The following CSRNP3 variants were observed in gnomAD, a reference collection of about 807,000 sequenced individuals.
The protein encoded by CSRNP3 is cysteine/serine-rich nuclear protein 3.
Under a neutral mutation model 48.0 loss-of-function variants are expected in CSRNP3, and 12 were observed. That is an observed-to-expected ratio of 0.25 (90% CI 0.16 to 0.41). The LOEUF (loss-of-function observed/expected upper bound fraction) is 0.41. CSRNP3 is among the 10% of genes least tolerant of loss of function. The pLI is 1.00. For missense variants in CSRNP3, 580 were observed against 724.4 expected (o/e 0.80, Z 2.29); for synonymous variants, 263 against 269.7 (o/e 0.98, Z 0.24).
In CSRNP3 at chr2:165,679,926, A is replaced by C; in HGVS notation, c.*173A>C. On this transcript the variant is annotated 3_prime_UTR_variant, in exon 7 of 7. Coordinates refer to ENST00000651982, the MANE Select transcript of CSRNP3 (RefSeq NM_001172173.2). ...TAGCCACATGACTGTGGCATTGCAC[A>C]AATACAGTCTCTGTAGGGATTTTAA... 15 of 848,086 alleles carry C rather than the reference A, an allele frequency of 1.8e-5. No homozygotes were observed. Among genetic ancestry groups the C allele is most frequent in the Non-Finnish European group, 2.7e-5 (15 of 550,444 alleles). The allele number at this position is 848,086 out of a possible 1,614,324, so 52.5% of individuals were successfully genotyped here.
chr2:165,509,697 T>C (rs897311045), intron 2 of CSRNP3, among the ~76,000 whole-genome samples: 2 of 152,208 alleles, frequency 1.3e-5, no homozygotes, highest in South Asian at 2.1e-4. Context: ...CCCCCAGTGT[T>C]AACCTCTTAC....
At chr2:165,634,970 C>T (rs1686603139) in intron 4 of CSRNP3, among the ~76,000 whole-genome samples, 1 of 152,208 alleles carries the variant, frequency 6.6e-6, no homozygotes, top group African/African-American at 2.4e-5. Context: ...ATTCTAGGCC[C>T]AGCAGGCTAT....
intron 3 of CSRNP3, among the ~76,000 whole-genome samples, chr2:165,526,505 T>C (rs1288813216): frequency 6.6e-6 from 1 of 152,148 alleles, no homozygotes; most frequent in African/African-American, 2.4e-5. Context: ...AACTTAAAAA[T>C]TAAAAGACTC....
intron 4 of CSRNP3, among the ~76,000 whole-genome samples, chr2:165,608,704 G>A (rs1215292302): frequency 3.3e-5 from 5 of 151,764 alleles, no homozygotes; most frequent in Admixed American, 3.3e-4. Flanking sequence ...CACCATTAAT[G>A]TGATCCCTTT....
At chr2:165,585,263 C>A (rs1685609726) in intron 3 of CSRNP3, among the ~76,000 whole-genome samples, 1 of 149,830 alleles carries the variant, frequency 6.7e-6, no homozygotes, top group Non-Finnish European at 1.5e-5. Context: ...TGTAATAAAA[C>A]CTATATACCA....
At chr2:165,576,188 G>A (rs887878508) in intron 3 of CSRNP3, among the ~76,000 whole-genome samples, 2 of 150,090 alleles carry the variant, frequency 1.3e-5, no homozygotes, top group Non-Finnish European at 3.0e-5. Context: ...ACATATTATT[G>A]CATATATTAT....
chr2:165,680,800 A>C lies in CSRNP3; in HGVS notation c.*1047A>C, dbSNP rs1381558241. The C allele has an allele frequency of 6.6e-6, 1 of 152,118 alleles. No individual in the cohort carries two copies. The highest frequency in any genetic ancestry group is 1.5e-5 in the Non-Finnish European group (1 of 68,026). The allele number at this position is 152,118 out of a possible 1,614,324, so 9.4% of individuals were successfully genotyped here. ...GGAAAATGACCTATTTTCCTTCACCACTCTGAGGACCTAACTCAGTAAATG... is the reference window on the plus strand; with the variant it reads ...GGAAAATGACCTATTTTCCTTCACCCCTCTGAGGACCTAACTCAGTAAATG... On this transcript the variant is annotated 3_prime_UTR_variant, in exon 7 of 7. Coordinates refer to ENST00000651982, the MANE Select transcript of CSRNP3 (RefSeq NM_001172173.2).
chr2:165,664,902 C>T (rs528787334), intron 5 of CSRNP3, among the ~76,000 whole-genome samples: 1 of 152,286 alleles, frequency 6.6e-6, no homozygotes, highest in South Asian at 2.1e-4. Flanking sequence ...AAACTCAGAT[C>T]TTTTAAGCCA....
intron 3 of CSRNP3, among the ~76,000 whole-genome samples, chr2:165,575,958 G>T (rs1186952561): frequency 6.6e-6 from 1 of 151,710 alleles, no homozygotes; most frequent in Non-Finnish European, 1.5e-5. Context: ...AGGTAAAAGG[G>T]TTATTTTTTA....
At chr2:165,530,071 C>T (rs1684791229) in intron 3 of CSRNP3, among the ~76,000 whole-genome samples, 1 of 152,036 alleles carries the variant, frequency 6.6e-6, no homozygotes, top group Non-Finnish European at 1.5e-5. Context: ...AGCTAAAATG[C>T]AACATTGTCA....
At chr2:165,639,899 A>G (rs938518688) in intron 4 of CSRNP3, among the ~76,000 whole-genome samples, 1 of 152,228 alleles carries the variant, frequency 6.6e-6, no homozygotes, top group African/African-American at 2.4e-5. Flanking sequence ...ATATTTGTCA[A>G]TTATCTGTCA....
chr2:165,592,127 G>A (rs1290688041), intron 3 of CSRNP3, among the ~76,000 whole-genome samples: 1 of 152,242 alleles, frequency 6.6e-6, no homozygotes, highest in Non-Finnish European at 1.5e-5. Context: ...AGCATGCCCT[G>A]GATGTGAGAC....
At chr2:165,505,642 T>C (rs374689904) in intron 2 of CSRNP3, among the ~76,000 whole-genome samples, 7 of 152,178 alleles carry the variant, frequency 4.6e-5, no homozygotes, top group African/African-American at 1.7e-4. Context: ...TACAACTGGC[T>C]TCTCTATCTT....
At chr2:165,563,444 T>C (rs1203415493) in intron 3 of CSRNP3, among the ~76,000 whole-genome samples, 1 of 152,188 alleles carries the variant, frequency 6.6e-6, no homozygotes, top group Non-Finnish European at 1.5e-5. Context: ...TTTTTTTGTC[T>C]ATAAATCTTA....
intron 2 of CSRNP3, among the ~76,000 whole-genome samples, chr2:165,517,230 T>C (rs982382141): frequency 1.3e-5 from 2 of 152,058 alleles, no homozygotes; most frequent in African/African-American, 4.8e-5. Context: ...TTTCATCATC[T>C]GTCTAAATGG....
At position 165,679,702 on chromosome 2, in the gene CSRNP3, A is replaced by G. The variant is rs751171426; in HGVS notation, c.1707A>G (p.Ile569Met). Residue 569 changes from isoleucine to methionine, a missense_variant, in exon 7 of 7, where the codon ATA becomes ATG. By Grantham distance (10) the Ile-to-Met change is conservative (BLOSUM62 1). This residue lies in a region of CSRNP3 where 369 missense variants were observed against 380.8 expected (regional missense o/e 0.97). Transcript: ENST00000651982. ...CTTTGAGCCTTGCAGAAAAGAGCAT[A>G]TTGCATGAAGAGTGCATCAAATCAC... ...ENSLSLAEKS[I>M]LHEECIKSPV... 12 of 1,614,070 alleles carry G rather than the reference A, an allele frequency of 7.4e-6. No individual in the cohort carries two copies. Among genetic ancestry groups the G allele is most frequent in the Non-Finnish European group, 9.3e-6 (11 of 1,179,982 alleles).
intron 1 of CSRNP3, among the ~76,000 whole-genome samples, chr2:165,490,867 A>G (rs1322596682): frequency 2.7e-4 from 36 of 131,066 alleles, no homozygotes; most frequent in South Asian, 5.0e-4. Flanking sequence ...CCTAGGCATT[A>G]CCATTCAGGA....
At chr2:165,627,732 C>G (rs748212932) in intron 4 of CSRNP3, among the ~76,000 whole-genome samples, 1 of 152,136 alleles carries the variant, frequency 6.6e-6, no homozygotes, top group Non-Finnish European at 1.5e-5. Context: ...CTCTCACAAT[C>G]GACTCCTCCC....
intron 4 of CSRNP3, among the ~76,000 whole-genome samples, chr2:165,631,332 T>C (rs926718815): frequency 6.6e-6 from 1 of 152,174 alleles, no homozygotes; most frequent in Non-Finnish European, 1.5e-5. Flanking sequence ...AGGCCATGAG[T>C]GTCCTCAACA....
Sources: allele counts gnomAD v4.1 joint callset (sites outside exome capture counted in the v4.1 genomes callset), GRCh38; gene constraint gnomAD v4.1.1; regional missense constraint gnomAD v4.1.1; transcripts MANE v1.5; gene names NCBI Gene and HGNC (gene_info 2026-07-23, HGNC 2026-07-21).